The following RIN3 variants were observed in gnomAD, a reference collection of about 807,000 sequenced individuals.
RIN3 encodes Ras and Rab interactor 3.
Under a neutral mutation model 76.3 loss-of-function variants are expected in RIN3, and 54 were observed. The ratio of observed to expected loss-of-function variants is 0.71; its 90% CI spans 0.57 to 0.89. The LOEUF is 0.89. Ranked by LOEUF, RIN3 falls within the 40% of genes least tolerant of loss-of-function variation. The pLI, the probability that RIN3 is intolerant of heterozygous loss-of-function variation, is 0.00. For synonymous variants in RIN3, 576 were observed against 564.0 expected (o/e 1.02, Z -0.30); for missense variants, 1,256 against 1,322.1 (o/e 0.95, Z 0.78).
chr14:92,526,477 G>A (rs749279758), intron 1 of RIN3, among the ~76,000 whole-genome samples: 5 of 151,670 alleles, frequency 3.3e-5, no homozygotes, highest in East Asian at 3.9e-4. Context: ...TAAATGGGCC[G>A]GGCGCAGTGG....
rs1887420047 is a variant in RIN3, at chr14:92,651,541, C to T, written c.533-41C>T. The T allele has an allele frequency of 3.3e-6, 5 of 1,505,306 alleles. No homozygotes were observed. The East Asian group carries it at 1.1e-4, about 34-fold the overall frequency. The allele number at this position is 1,505,306 out of a possible 1,614,324, so 93.2% of individuals were successfully genotyped here. On this transcript the variant is annotated intron_variant, in intron 5 of 9. Coordinates refer to ENST00000216487, the MANE Select transcript of RIN3 (RefSeq NM_024832.5). ...CGCCCAGCACAGCAACACCTAGTCC[C>T]TGGCACAGACTGACCCCCTGCCCCT...
At chr14:92,580,760 G>A (rs1898408951) in intron 3 of RIN3, among the ~76,000 whole-genome samples, 1 of 152,214 alleles carries the variant, frequency 6.6e-6, no homozygotes, top group Admixed American at 6.5e-5. Flanking sequence ...AGAGCATGGA[G>A]AAGGCTTGTG....
intron 8 of RIN3, among the ~76,000 whole-genome samples, chr14:92,682,215 T>G (rs565677075): frequency 1.3e-5 from 2 of 152,188 alleles, no homozygotes; most frequent in African/African-American, 4.8e-5. Flanking sequence ...TATGAAAGGG[T>G]GGGTGATCCT....
At chr14:92,628,506 T>C (rs1157986236) in intron 4 of RIN3, among the ~76,000 whole-genome samples, 1 of 152,190 alleles carries the variant, frequency 6.6e-6, no homozygotes, top group Non-Finnish European at 1.5e-5. Context: ...GGCGCCACTT[T>C]CCATGTGTTC....
In RIN3 at chr14:92,570,196, T is replaced by C. The variant is rs1201945675; in HGVS notation, c.250-7164T>C. 3.3e-5 allele frequency among the ~76,000 whole-genome samples: 5 copies of C among 152,226 alleles called. No individual in the cohort carries two copies. In the East Asian group the frequency reaches 9.7e-4, roughly 30 times the overall value. On this transcript the variant is annotated intron_variant, in intron 2 of 9. Transcript: ENST00000216487. ...AGGGCTCCAGCCTCAGCTCCCACCC[T>C]GGCTCAGGGCCAGGGGTCAAAGTTT... is the stretch of plus-strand genomic sequence containing the variant.
intron 1 of RIN3, among the ~76,000 whole-genome samples, chr14:92,546,863 T>G (rs1015582862): frequency 2.6e-5 from 4 of 151,862 alleles, no homozygotes; most frequent in Admixed American, 6.6e-5. Context: ...CTGGGAGAGA[T>G]AGGGCATGAC....
At chr14:92,554,224 G>T (rs946299545) in intron 1 of RIN3, among the ~76,000 whole-genome samples, 1 of 152,160 alleles carries the variant, frequency 6.6e-6, no homozygotes. Context: ...GCGAGGCTCC[G>T]AGATGTTGTT....
chr14:92,617,193 A>G (rs1361433487), intron 4 of RIN3, among the ~76,000 whole-genome samples: 1 of 152,026 alleles, frequency 6.6e-6, no homozygotes, highest in African/African-American at 2.4e-5. Context: ...CTAGCTACTC[A>G]GGAGGCTGAA....
intron 3 of RIN3, among the ~76,000 whole-genome samples, chr14:92,585,071 A>C (rs974156572): frequency 1.3e-5 from 2 of 152,114 alleles, no homozygotes; most frequent in Non-Finnish European, 2.9e-5. Flanking sequence ...CGGTGGCGCA[A>C]TCATAGCTCA....
chr14:92,552,043 C>T (rs759762222), intron 1 of RIN3, among the ~76,000 whole-genome samples: 8 of 152,132 alleles, frequency 5.3e-5, no homozygotes, highest in Non-Finnish European at 1.0e-4. Flanking sequence ...AGTGCATGTT[C>T]TGTTGGGTGA....
Position 92,653,095 on chromosome 14 carries a change from G to A in RIN3, c.2026+20G>A. On this transcript the variant is annotated intron_variant, in intron 6 of 9. Coordinates refer to ENST00000216487, the MANE Select transcript of RIN3 (RefSeq NM_024832.5). ...AGCTCGGTCAGTGCCCTGGGAGGAG[G>A]TGGCAGGGAGGAGAGGGCGGTGGGG... 1.3e-6 allele frequency: 2 copies of A among 1,586,454 alleles called. No individual in the cohort carries two copies. The highest frequency in any genetic ancestry group is 1.3e-5 in the African/African-American group (1 of 74,688).
At chr14:92,557,026 C>A (rs143046387) in intron 2 of RIN3, among the ~76,000 whole-genome samples, 2 of 152,366 alleles carry the variant, frequency 1.3e-5, no homozygotes, top group African/African-American at 2.4e-5. Context: ...ACTCCCTCCC[C>A]CTTCTCCCCT....
At chr14:92,600,746 G>T (rs899900196) in intron 3 of RIN3, among the ~76,000 whole-genome samples, 6 of 152,160 alleles carry the variant, frequency 3.9e-5, no homozygotes, top group African/African-American at 1.4e-4. Flanking sequence ...TCTCGAGCAG[G>T]GTGTCTGAAA....
chr14:92,592,247 C>CA (rs1356816371), intron 3 of RIN3, among the ~76,000 whole-genome samples: 1 of 151,776 alleles, frequency 6.6e-6, no homozygotes, highest in Non-Finnish European at 1.5e-5. Context: ...ACTAAAAATA[C>CA]AAAAAATTAG....
rs538085347 is a variant in RIN3, at chr14:92,526,015, G to A, written c.44+12039G>A. On this transcript the variant is annotated intron_variant, in intron 1 of 9. Coordinates refer to ENST00000216487, the MANE Select transcript of RIN3 (RefSeq NM_024832.5). Reference sequence around the variant, plus strand: ...GGAGTTTCCCAGGTAAACTCGTGGTGGGGGTGGAGGGGCTGCTGCAGGCTC... The same window carrying A: ...GGAGTTTCCCAGGTAAACTCGTGGTAGGGGTGGAGGGGCTGCTGCAGGCTC... 3.9e-5 allele frequency among the ~76,000 whole-genome samples: 6 copies of A among 152,264 alleles called. No homozygotes were observed. In the South Asian group the frequency reaches 1.0e-3, roughly 26 times the overall value.
At chr14:92,603,644 T>C (rs72697297) in intron 3 of RIN3, among the ~76,000 whole-genome samples, 18,774 of 152,204 alleles carry the variant, frequency 0.12, 1,486 homozygotes, top group Non-Finnish European at 0.18. Flanking sequence ...CGTGTTGCGG[T>C]CCTTACATGG....
chr14:92,679,099 T>C (rs1220503804), intron 8 of RIN3, among the ~76,000 whole-genome samples: 4 of 152,254 alleles, frequency 2.6e-5, no homozygotes, highest in Admixed American at 1.3e-4. Context: ...ATGTCAATTC[T>C]GGGCTACTTC....
intron 3 of RIN3, among the ~76,000 whole-genome samples, chr14:92,604,530 C>A (rs997762143): frequency 1.3e-5 from 2 of 152,112 alleles, no homozygotes; most frequent in Non-Finnish European, 2.9e-5. Context: ...TTTCTCCAAG[C>A]ATTGAGCCCT....
chr14:92,586,745 A>C (rs939902282), intron 3 of RIN3, among the ~76,000 whole-genome samples: 18 of 152,182 alleles, frequency 1.2e-4, no homozygotes, highest in African/African-American at 3.9e-4. Flanking sequence ...TTGGCATTGA[A>C]CCAGTGGGAG....
Sources: gnomAD v4.1 joint callset for allele counts (sites outside exome capture counted in the v4.1 genomes callset) on GRCh38, gnomAD v4.1.1 for gene constraint, MANE v1.5 for transcripts, NCBI Gene and HGNC (gene_info 2026-07-23, HGNC 2026-07-21) for gene names.